Variants in FAM161A observed in about 807,000 individuals in gnomAD.
FAM161A encodes FAM161 centrosomal protein A.
FAM161A carries 57 observed loss-of-function variants against 70.9 expected under a neutral mutation model. The ratio of observed to expected loss-of-function variants is 0.80; its 90% CI spans 0.65 to 1.00. FAM161A has a LOEUF of 1.00. FAM161A is among the 50% of genes least tolerant of loss of function. The pLI, the probability that FAM161A is intolerant of heterozygous loss-of-function variation, is 0.00. For missense variants in FAM161A, 880 were observed against 836.0 expected, an observed-to-expected ratio of 1.05 and a Z score of -0.65; for synonymous variants, 299 against 295.7, an observed-to-expected ratio of 1.01 and a Z score of -0.12.
intron 4 of FAM161A, among the ~76,000 whole-genome samples, chr2:61,837,290 C>T (rs901886841): frequency 6.6e-6 from 1 of 152,076 alleles, no homozygotes; most frequent in African/African-American, 2.4e-5. Context: ...GAAACAGGAA[C>T]CAAAATATAT....
At chr2:61,816,898 C>G in the FAM161A span, among the ~76,000 whole-genome samples, 158 of 152,314 alleles carry the variant, frequency 1.0e-3, no homozygotes, top group African/African-American at 3.5e-3. Context: ...GGGAAAGCAG[C>G]TGGGAGTCAG....
At chr2:61,849,443 C>A (rs60655447) in intron 1 of FAM161A, among the ~76,000 whole-genome samples, 47 of 151,448 alleles carry the variant, frequency 3.1e-4, no homozygotes, top group African/African-American at 1.1e-3. Context: ...AGTTTGAGAC[C>A]ACCCTGGGCA....
At chr2:61,820,097 C>T, downstream of FAM161A, 1 of 383,814 alleles carries the variant, frequency 2.6e-6, no homozygotes, top group Non-Finnish European at 4.8e-6. Flanking sequence ...TTGGGTATAC[C>T]TCTTAAATTA....
chr2:61,832,502 T>A (rs1393773430), intron 5 of FAM161A, among the ~76,000 whole-genome samples: 1 of 152,212 alleles, frequency 6.6e-6, no homozygotes, highest in African/African-American at 2.4e-5. Context: ...AATATCTAAC[T>A]ACTCCCCAGT....
chr2:61,805,907 T>A, the FAM161A span, among the ~76,000 whole-genome samples: 1 of 152,172 alleles, frequency 6.6e-6, no homozygotes, highest in African/African-American at 2.4e-5. Flanking sequence ...AAATTACTTA[T>A]GTTACTTTTT....
At chr2:61,832,508 C>A (rs749275801) in intron 5 of FAM161A, among the ~76,000 whole-genome samples, 2 of 152,060 alleles carry the variant, frequency 1.3e-5, no homozygotes, top group Non-Finnish European at 2.9e-5. Flanking sequence ...TAACTACTCC[C>A]CAGTATAACA....
chr2:61,838,062 C>T (rs1672839037), intron 4 of FAM161A, among the ~76,000 whole-genome samples: 1 of 152,108 alleles, frequency 6.6e-6, no homozygotes. Context: ...CTAAGAATTC[C>T]GTGAATATTT....
intron 1 of FAM161A, among the ~76,000 whole-genome samples, chr2:61,843,001 C>G (rs1673076377): frequency 6.6e-6 from 1 of 152,174 alleles, no homozygotes; most frequent in Admixed American, 6.5e-5. Flanking sequence ...AAAGCAGTAG[C>G]TCCCATGGGT....
At chr2:61,850,418 C>T (rs985031457) in intron 1 of FAM161A, among the ~76,000 whole-genome samples, 1 of 151,486 alleles carries the variant, frequency 6.6e-6, no homozygotes, top group African/African-American at 2.4e-5. Context: ...TGTGTGTGTG[C>T]GTTCGTGTGT....
chr2:61,845,739 G>A (rs955718624), intron 1 of FAM161A, among the ~76,000 whole-genome samples: 3 of 151,822 alleles, frequency 2.0e-5, no homozygotes, highest in Non-Finnish European at 4.4e-5. Context: ...AGGCTGCAGT[G>A]AGCCGTGAGC....
intron 5 of FAM161A, among the ~76,000 whole-genome samples, chr2:61,830,320 A>T (rs1672519531): frequency 1.3e-5 from 2 of 152,190 alleles, no homozygotes. Context: ...TTATTTAGGA[A>T]GAAAATTTGA....
At chr2:61,832,405 A>G (rs1672616596) in intron 5 of FAM161A, among the ~76,000 whole-genome samples, 2 of 152,206 alleles carry the variant, frequency 1.3e-5, no homozygotes, top group South Asian at 4.1e-4. Flanking sequence ...GCAGATTTGG[A>G]AGATAAATTT....
the FAM161A span, among the ~76,000 whole-genome samples, chr2:61,816,145 T>C: frequency 4.6e-5 from 7 of 152,178 alleles, no homozygotes; most frequent in African/African-American, 7.2e-5. Context: ...TCCATTGACG[T>C]TGGCTTTCTC....
Position 61,825,894 on chromosome 2 carries a change from C to T in FAM161A, c.*561G>A. The T allele has an allele frequency of 2.2e-6, 1 of 454,108 alleles. No homozygotes were observed. Among genetic ancestry groups the T allele is most frequent in the Non-Finnish European group, 4.4e-6 (1 of 226,766 alleles). The allele number at this position is 454,108 out of a possible 1,614,324, so 28.1% of individuals were successfully genotyped here. ...CCTCGTGATCCACCCGTCTCGGCCT[C>T]CCAAAATGCTGGGATTACAGGCATG... On this transcript the variant is annotated 3_prime_UTR_variant, in exon 7 of 7. Coordinates refer to ENST00000404929, the MANE Select transcript of FAM161A (RefSeq NM_001201543.2).
the FAM161A span, among the ~76,000 whole-genome samples, chr2:61,815,034 T>G: frequency 6.6e-6 from 1 of 152,200 alleles, no homozygotes; most frequent in Non-Finnish European, 1.5e-5. Context: ...TCAGTCACTA[T>G]CTGTGGGTGT....
chr2:61,805,787 G>T, the FAM161A span, among the ~76,000 whole-genome samples: 1 of 152,078 alleles, frequency 6.6e-6, no homozygotes, highest in African/African-American at 2.4e-5. Context: ...CCAGAGGCAG[G>T]TTCTGGGCAA....
chr2:61,829,808 T>G (rs545058447), intron 5 of FAM161A, among the ~76,000 whole-genome samples: 2 of 152,212 alleles, frequency 1.3e-5, no homozygotes, highest in African/African-American at 2.4e-5. Flanking sequence ...ACATAGTTTA[T>G]TCTGTAAAGA....
intron 5 of FAM161A, among the ~76,000 whole-genome samples, chr2:61,830,446 C>T (rs1301782156): frequency 2.0e-5 from 3 of 151,760 alleles, no homozygotes; most frequent in Non-Finnish European, 4.4e-5. Context: ...TTTGGGAGGC[C>T]GAGGCAGGTG....
intron 3 of FAM161A, 89 bp downstream of exon 3, chr2:61,839,332 T>C (rs1672906908): frequency 8.5e-7 from 1 of 1,171,834 alleles, no homozygotes; most frequent in Non-Finnish European, 1.3e-6. Flanking sequence ...TTTCTAAGTA[T>C]TTTCAAATTT....
Sources: allele counts gnomAD v4.1 joint callset (sites outside exome capture counted in the v4.1 genomes callset), GRCh38; gene constraint gnomAD v4.1.1; transcripts MANE v1.5; gene names NCBI Gene and HGNC (gene_info 2026-07-23, HGNC 2026-07-21).